Variants in LRRC4C observed in about 807,000 individuals in gnomAD.
The protein encoded by LRRC4C is leucine rich repeat containing 4C, also known as leucine-rich repeat-containing protein 4C.
A neutral mutation model predicts 33.6 loss-of-function variants in LRRC4C; 5 were observed. The ratio of observed to expected loss-of-function variants is 0.15; its 90% CI spans 0.08 to 0.31. The LOEUF (loss-of-function observed/expected upper bound fraction) is 0.31, where lower values mean the gene tolerates loss of function less well. Among genes scored for constraint, LRRC4C ranks in the 10% least tolerant of loss-of-function variants. LRRC4C has a pLI of 1.00. For synonymous variants in LRRC4C, 329 were observed against 302.0 expected (o/e 1.09, Z -0.93); for missense variants, 560 against 796.7 (o/e 0.70, Z 3.58).
At chr11:41,212,745 A>G (rs1231096994) in intron 1 of LRRC4C, among the ~76,000 whole-genome samples, 1 of 152,230 alleles carries the variant, frequency 6.6e-6, no homozygotes, top group Non-Finnish European at 1.5e-5. Context: ...TGCAAAGGAC[A>G]TGATATTGAG....
rs368266563 is a variant in LRRC4C at position 40,585,922 on chromosome 11, G to A, written c.-270+62220C>T. Among the ~76,000 whole-genome samples the A allele has an allele frequency of 1.4e-3, 184 of 135,108 alleles. 1 individual carries two copies. Among genetic ancestry groups the A allele is most frequent in the East Asian group, 2.8e-3 (13 of 4,656 alleles). The allele number at this position is 135,108 out of a possible 152,430, so 88.6% of individuals were successfully genotyped here. A position where few individuals can be genotyped will look rare whatever the true frequency, so the allele number is the denominator to read the frequency against. ...AGTCTTTGCTATTGTGAATAATGCC[G>A]CAATAAACATACGTGTGCATGTGTC... On this transcript the variant is annotated intron_variant, in intron 3 of 6. Transcript: ENST00000528697.
intron 2 of LRRC4C, among the ~76,000 whole-genome samples, chr11:40,918,688 A>G (rs1474139178): frequency 6.6e-6 from 1 of 152,144 alleles, no homozygotes; most frequent in Non-Finnish European, 1.5e-5. Context: ...ATCTTTGAGC[A>G]TGTCTTAAAA....
At chr11:40,983,677 G>T (rs544986984) in intron 1 of LRRC4C, among the ~76,000 whole-genome samples, 3 of 152,152 alleles carry the variant, frequency 2.0e-5, no homozygotes, top group South Asian at 2.1e-4. Flanking sequence ...TAAAAAGTGG[G>T]CAAAAGACAT....
At chr11:40,794,373 CAAAAAAAAAA>C (rs57476895) in intron 2 of LRRC4C, among the ~76,000 whole-genome samples, 16 of 77,216 alleles carry the variant, frequency 2.1e-4, no homozygotes, top group East Asian at 4.7e-4. Flanking sequence ...TAAACGCCAG[CAAAAAAAAAA>C]AAAAAAAAAA....
intron 2 of LRRC4C, among the ~76,000 whole-genome samples, chr11:40,652,715 C>T (rs1164658975): frequency 6.6e-6 from 1 of 152,136 alleles, no homozygotes; most frequent in East Asian, 1.9e-4. Flanking sequence ...TTATCTGAGA[C>T]AGTGAGGAAG....
chr11:40,873,734 T>C (rs1357393671), intron 2 of LRRC4C, among the ~76,000 whole-genome samples: 2 of 152,188 alleles, frequency 1.3e-5, no homozygotes. Flanking sequence ...ATTTTTCTCC[T>C]ACCTCTGCCT....
chr11:40,341,028 G>A (rs955333526), intron 3 of LRRC4C, among the ~76,000 whole-genome samples: 10 of 152,130 alleles, frequency 6.6e-5, no homozygotes, highest in Non-Finnish European at 1.0e-4. Context: ...TCTTGGACTT[G>A]CCAAGGCTCT....
intron 4 of LRRC4C, among the ~76,000 whole-genome samples, chr11:40,266,040 GTAATT>G (rs1431482680): frequency 1.3e-5 from 2 of 152,216 alleles, no homozygotes; most frequent in African/African-American, 4.8e-5. Context: ...GCTCATGCCT[GTAATT>G]CCAGCACTTT....
intron 3 of LRRC4C, among the ~76,000 whole-genome samples, chr11:40,538,103 G>A (rs1289908131): frequency 6.6e-6 from 1 of 152,086 alleles, no homozygotes; most frequent in Non-Finnish European, 1.5e-5. Context: ...AAAAATATGG[G>A]CCAAGTTCCC....
At chr11:41,231,317 G>A (rs145552881) in intron 1 of LRRC4C, among the ~76,000 whole-genome samples, 195 of 152,066 alleles carry the variant, frequency 1.3e-3, no homozygotes, top group East Asian at 6.0e-3. Context: ...ATACACACAC[G>A]TATGTTTATT....
At chr11:40,285,622 T>G (rs1422457258) in intron 4 of LRRC4C, among the ~76,000 whole-genome samples, 3 of 152,192 alleles carry the variant, frequency 2.0e-5, no homozygotes, top group Non-Finnish European at 4.4e-5. Flanking sequence ...TAGAAGTCAC[T>G]TCTATACTTA....
At chr11:41,342,567 T>C (rs1951675985) in intron 1 of LRRC4C, among the ~76,000 whole-genome samples, 1 of 151,954 alleles carries the variant, frequency 6.6e-6, no homozygotes, top group Non-Finnish European at 1.5e-5. Flanking sequence ...ATACAAACAT[T>C]AGCCGGGTGT....
chr11:41,331,503 C>T (rs894370142), intron 1 of LRRC4C, among the ~76,000 whole-genome samples: 5 of 152,158 alleles, frequency 3.3e-5, no homozygotes, highest in African/African-American at 7.2e-5. Context: ...TGTGAGTATC[C>T]TGAAGCTCAC....
In LRRC4C at chr11:40,186,682, T is replaced by C. The variant is rs761991547; in HGVS notation, c.-95-45829A>G. ...CCAGTAGCACAATGACACTAGGCTG[T>C]CGGGCTCAGCATAAGTTTACACTAG... On this transcript the variant is annotated intron_variant, in intron 5 of 6. Transcript: ENST00000528697. Among the ~76,000 whole-genome samples, 69 of 152,270 alleles carry C rather than the reference T, an allele frequency of 4.5e-4. 1 individual carries two copies. Among genetic ancestry groups the C allele is most frequent in the Middle Eastern group, 6.8e-3 (2 of 294 alleles).
At chr11:40,843,333 G>A (rs929311257) in intron 2 of LRRC4C, among the ~76,000 whole-genome samples, 6 of 152,018 alleles carry the variant, frequency 3.9e-5, no homozygotes, top group African/African-American at 1.2e-4. Flanking sequence ...GGAACTCCTC[G>A]CAGGCATCTG....
At chr11:40,876,409 C>G (rs533312719) in intron 2 of LRRC4C, among the ~76,000 whole-genome samples, 1 of 151,924 alleles carries the variant, frequency 6.6e-6, no homozygotes, top group East Asian at 1.9e-4. Context: ...GTCAGAAATC[C>G]CAGTGTTCAC....
At chr11:41,159,378 A>C (rs1458902601) in intron 1 of LRRC4C, among the ~76,000 whole-genome samples, 1 of 152,132 alleles carries the variant, frequency 6.6e-6, no homozygotes, top group African/African-American at 2.4e-5. Flanking sequence ...AATGTTGATG[A>C]GCAAATTAGG....
chr11:40,408,127 C>T (rs1017259935), intron 3 of LRRC4C, among the ~76,000 whole-genome samples: 2 of 151,930 alleles, frequency 1.3e-5, no homozygotes, highest in African/African-American at 2.4e-5. Flanking sequence ...TATGAGATTC[C>T]TACTGAAGCT....
At chr11:41,264,239 A>C (rs1204797229) in intron 1 of LRRC4C, among the ~76,000 whole-genome samples, 1 of 151,840 alleles carries the variant, frequency 6.6e-6, no homozygotes, top group Non-Finnish European at 1.5e-5. Flanking sequence ...CTACAGGTGC[A>C]CACCACCACG....
Sources: gnomAD v4.1 joint callset for allele counts (sites outside exome capture counted in the v4.1 genomes callset) on GRCh38, gnomAD v4.1.1 for gene constraint, MANE v1.5 for transcripts, NCBI Gene and HGNC (gene_info 2026-07-23, HGNC 2026-07-21) for gene names.